The following DIP2C variants were observed in gnomAD, a reference collection of about 807,000 sequenced individuals.
DIP2C encodes disco-interacting protein 2 homolog C.
Under a neutral mutation model 192.4 loss-of-function variants are expected in DIP2C, and 33 were observed. The ratio of observed to expected loss-of-function variants is 0.17; its 90% CI spans 0.13 to 0.23. The LOEUF (loss-of-function observed/expected upper bound fraction) is 0.23, where lower values mean the gene tolerates loss of function less well. DIP2C is among the 10% of genes least tolerant of loss of function. The probability of loss-of-function intolerance (pLI) is 1.00; values close to 1 mark genes in which losing one functional copy is unlikely to be tolerated. For missense variants in DIP2C, 1,537 were observed against 2,110.1 expected, an observed-to-expected ratio of 0.73 and a Z score of 5.32; for synonymous variants, 979 against 864.1, an observed-to-expected ratio of 1.13 and a Z score of -2.33.
intron 9 of DIP2C, among the ~76,000 whole-genome samples, chr10:406,923 A>G (rs1964845253): frequency 6.6e-6 from 1 of 151,894 alleles, no homozygotes; most frequent in African/African-American, 2.4e-5. Flanking sequence ...CTGCGAACCC[A>G]CCCAGGAACA....
At chr10:312,447 C>T (rs1440021417) in intron 31 of DIP2C, among the ~76,000 whole-genome samples, 2 of 152,182 alleles carry the variant, frequency 1.3e-5, no homozygotes, top group African/African-American at 2.4e-5. Flanking sequence ...TACGGCCCGG[C>T]ACCCACCCAC....
intron 5 of DIP2C, among the ~76,000 whole-genome samples, chr10:420,402 A>T (rs1966103609): frequency 6.6e-6 from 1 of 152,172 alleles, no homozygotes; most frequent in Non-Finnish European, 1.5e-5. Flanking sequence ...GGAACCCGTG[A>T]CTGAAAAGAC....
At chr10:532,632 TGA>T (rs1309862557) in intron 1 of DIP2C, among the ~76,000 whole-genome samples, 50 of 112,732 alleles carry the variant, frequency 4.4e-4, no homozygotes, top group African/African-American at 1.4e-3. Flanking sequence ...AGTATGGGTG[TGA>T]GAGAGAGTAT....
intron 1 of DIP2C, among the ~76,000 whole-genome samples, chr10:614,802 GGA>G (rs1234359469): frequency 1.3e-5 from 2 of 152,228 alleles, no homozygotes; most frequent in African/African-American, 4.8e-5. Context: ...GGTATGGGAA[GGA>G]GAGGCCCAGA....
At chr10:409,492 C>T (rs1295247778) in intron 8 of DIP2C, among the ~76,000 whole-genome samples, 1 of 152,230 alleles carries the variant, frequency 6.6e-6, no homozygotes, top group Non-Finnish European at 1.5e-5. Context: ...ACAGTCAGAG[C>T]TGCCTGGACA....
chr10:620,218 T>C (rs926956483), intron 1 of DIP2C, among the ~76,000 whole-genome samples: 2 of 152,258 alleles, frequency 1.3e-5, no homozygotes, highest in Non-Finnish European at 2.9e-5. Context: ...ATGGCTTTTT[T>C]CTGCCTATCT....
intron 1 of DIP2C, among the ~76,000 whole-genome samples, chr10:577,367 G>A (rs967999824): frequency 5.9e-5 from 9 of 152,258 alleles, no homozygotes; most frequent in African/African-American, 1.4e-4. Flanking sequence ...AAATAAGCAT[G>A]AGAAATTAGT....
intron 4 of DIP2C, among the ~76,000 whole-genome samples, chr10:429,536 C>T (rs1197804518): frequency 1.2e-5 from 1 of 80,282 alleles, no homozygotes; most frequent in Non-Finnish European, 2.4e-5. Context: ...CTGCCTCCCC[C>T]ACAGACCCTG....
At chr10:433,342 T>TA (rs1168970770) in intron 4 of DIP2C, among the ~76,000 whole-genome samples, 3 of 152,234 alleles carry the variant, frequency 2.0e-5, no homozygotes, top group African/African-American at 7.2e-5. Context: ...TCCCTTGATG[T>TA]AAAGCCTGCT....
intron 1 of DIP2C, among the ~76,000 whole-genome samples, chr10:540,367 C>T (rs527343387): frequency 2.0e-5 from 3 of 152,340 alleles, no homozygotes; most frequent in Admixed American, 6.5e-5. Flanking sequence ...GAAAGCTGCC[C>T]GGCCCAGCAC....
intron 1 of DIP2C, among the ~76,000 whole-genome samples, chr10:510,795 T>C (rs1277666867): frequency 6.6e-6 from 1 of 152,218 alleles, no homozygotes; most frequent in Non-Finnish European, 1.5e-5. Flanking sequence ...TGTGTTTATC[T>C]GCTCTTGAGC....
intron 10 of DIP2C, among the ~76,000 whole-genome samples, chr10:392,567 C>A (rs530270287): frequency 6.4e-4 from 97 of 152,296 alleles, no homozygotes; most frequent in Middle Eastern, 6.8e-3. Flanking sequence ...TAGAGTGCCC[C>A]CCGCGGCCCC....
intron 36 of DIP2C, among the ~76,000 whole-genome samples, chr10:278,879 G>A (rs918093433): frequency 1.3e-5 from 2 of 152,156 alleles, no homozygotes; most frequent in Non-Finnish European, 2.9e-5. Flanking sequence ...AGGCCAGAAG[G>A]TTCCCGGGCA....
Position 652,161 on chromosome 10 carries a change from T to C in DIP2C, c.85+37333A>G, listed in dbSNP as rs1418402236. 6.2e-6 allele frequency: 1 copy of C among 162,476 alleles called. No homozygotes were observed. The highest frequency in any genetic ancestry group is 1.9e-4 in the East Asian group (1 of 5,234). The allele number at this position is 162,476 out of a possible 1,614,324, so 10.1% of individuals were successfully genotyped here. On this transcript the variant is annotated intron_variant, in intron 1 of 36. Coordinates refer to ENST00000280886, the MANE Select transcript of DIP2C (RefSeq NM_014974.3). The surrounding 1 kb of genome is among the most constrained non-coding windows in gnomAD (Gnocchi z 4.5). Reference sequence around the variant, plus strand: ...CCAAATCTTAGCATGAGCAGCACGATAAACAGAATGAGCAAAATTCAAAAA... The same window carrying C: ...CCAAATCTTAGCATGAGCAGCACGACAAACAGAATGAGCAAAATTCAAAAA...
chr10:337,010 GCT>G (rs1564574493), intron 29 of DIP2C, among the ~76,000 whole-genome samples: 2 of 77,400 alleles, frequency 2.6e-5, no homozygotes, highest in African/African-American at 4.8e-5. Flanking sequence ...GGCCTAGGCA[GCT>G]GTGTGTGTGT....
At chr10:361,143 C>CA (rs760163569) in intron 22 of DIP2C, among the ~76,000 whole-genome samples, 30 of 152,140 alleles carry the variant, frequency 2.0e-4, no homozygotes, top group Non-Finnish European at 3.4e-4. Flanking sequence ...CTCAGTTTAG[C>CA]AAAAACAGAT....
chr10:489,908 G>A (rs565175366), intron 1 of DIP2C, among the ~76,000 whole-genome samples: 3 of 31,076 alleles, frequency 9.7e-5, no homozygotes, highest in Admixed American at 2.6e-4. Context: ...TGGCTCTGAC[G>A]GTGCCTGGTC....
chr10:353,423 C>T (rs1958920006), intron 24 of DIP2C, among the ~76,000 whole-genome samples: 1 of 152,226 alleles, frequency 6.6e-6, no homozygotes, highest in Non-Finnish European at 1.5e-5. Flanking sequence ...GAGTCTTGCT[C>T]TGTTGCCCAG....
At chr10:405,264 C>CTCTG (rs1423497667) in intron 9 of DIP2C, among the ~76,000 whole-genome samples, 1 of 152,202 alleles carries the variant, frequency 6.6e-6, no homozygotes, top group East Asian at 1.9e-4. Context: ...CTCCTGTTGC[C>CTCTG]TCTGCTCAAA....
Sources: allele counts gnomAD v4.1 joint callset (sites outside exome capture counted in the v4.1 genomes callset), GRCh38; gene constraint gnomAD v4.1.1; non-coding constraint Gnocchi (gnomAD v3.1); transcripts MANE v1.5; gene names NCBI Gene and HGNC (gene_info 2026-07-23, HGNC 2026-07-21).